Variants in HHIP observed in about 807,000 individuals in gnomAD.
The protein encoded by HHIP is hedgehog interacting protein.
A neutral mutation model predicts 74.0 loss-of-function variants in HHIP; 12 were observed. That is an observed-to-expected ratio of 0.16 (90% confidence interval 0.10 to 0.26). HHIP has a LOEUF of 0.26. Among genes scored for constraint, HHIP ranks in the 10% least tolerant of loss-of-function variants. The pLI is 1.00. For missense variants in HHIP, 788 were observed against 845.0 expected (o/e 0.93, Z 0.84); for synonymous variants, 309 against 311.6 (o/e 0.99, Z 0.09).
chr4:144,737,036 C>A (rs571618777), intron 12 of HHIP, among the ~76,000 whole-genome samples: 147 of 152,180 alleles, frequency 9.7e-4, no homozygotes, highest in African/African-American at 3.3e-3. Flanking sequence ...ATTTATATAC[C>A]CAATTTTATG....
At chr4:144,709,760 T>C (rs1730238301) in intron 7 of HHIP, among the ~76,000 whole-genome samples, 1 of 152,070 alleles carries the variant, frequency 6.6e-6, no homozygotes, top group South Asian at 2.1e-4. Flanking sequence ...CTTCTCCCAC[T>C]CCCCTTTTAT....
At chr4:144,672,672 C>A (rs1729070352) in intron 4 of HHIP, among the ~76,000 whole-genome samples, 2 of 151,588 alleles carry the variant, frequency 1.3e-5, no homozygotes, top group Non-Finnish European at 2.9e-5. Context: ...CTGACTTAAA[C>A]TTTTAATTTT....
chr4:144,697,589 T>C (rs1335216519), intron 4 of HHIP, among the ~76,000 whole-genome samples: 2 of 152,016 alleles, frequency 1.3e-5, no homozygotes, highest in African/African-American at 4.8e-5. Context: ...GTCAATCCAA[T>C]CTCTAATATG....
In HHIP at chr4:144,708,114, G is replaced by C. The variant is rs915821386; in HGVS notation, c.1158-54G>C. 6.4e-6 allele frequency: 10 copies of C among 1,570,228 alleles called. No homozygotes were observed. The South Asian group carries it at 1.1e-4, about 17-fold the overall frequency. On this transcript the variant is annotated intron_variant, in intron 6 of 12. Transcript: ENST00000296575. ...GAGCAACCTCACCATATTTAATATA[G>C]GTGAAATATATAATGAAAATGTAAA...
intron 1 of HHIP, chr4:144,651,054 A>C (rs1728414541): frequency 6.6e-6 from 1 of 152,156 alleles, no homozygotes; most frequent in South Asian, 2.1e-4. Flanking sequence ...AACAAACAGA[A>C]TTGCTATATG....
At chr4:144,702,041 A>G (rs1368031294) in intron 4 of HHIP, among the ~76,000 whole-genome samples, 3 of 152,162 alleles carry the variant, frequency 2.0e-5, no homozygotes, top group African/African-American at 7.2e-5. Context: ...TAATACCCAC[A>G]CTGTCAGAAA....
chr4:144,670,881 A>T (rs1729020949), intron 4 of HHIP, among the ~76,000 whole-genome samples: 1 of 151,734 alleles, frequency 6.6e-6, no homozygotes, highest in African/African-American at 2.4e-5. Context: ...TGTGGTGATG[A>T]GGCTTCCGTA....
In HHIP at chr4:144,739,497, T is replaced by C. The variant is rs1308394999; in HGVS notation, c.*1540T>C. The C allele has an allele frequency of 6.6e-6, 1 of 152,214 alleles. No homozygotes were observed. Among genetic ancestry groups the C allele is most frequent in the East Asian group, 1.9e-4 (1 of 5,200 alleles). The allele number at this position is 152,214 out of a possible 1,614,324, so 9.4% of individuals were successfully genotyped here. On this transcript the variant is annotated 3_prime_UTR_variant, in exon 13 of 13. Transcript: ENST00000296575. ...TACAAGCCTCAATTTAAAAAATATATTGTAGCTAGTATTTCTCTATTGTTT... is the reference window on the plus strand; with the variant it reads ...TACAAGCCTCAATTTAAAAAATATACTGTAGCTAGTATTTCTCTATTGTTT...
At chr4:144,692,988 T>G (rs772164655) in intron 4 of HHIP, among the ~76,000 whole-genome samples, 2 of 152,116 alleles carry the variant, frequency 1.3e-5, no homozygotes, top group Non-Finnish European at 2.9e-5. Context: ...CATGAGGACA[T>G]GGAAGCAACT....
intron 11 of HHIP, among the ~76,000 whole-genome samples, chr4:144,721,902 C>CAA (rs766278808): frequency 7.3e-5 from 7 of 95,612 alleles, no homozygotes; most frequent in South Asian, 3.4e-4. Context: ...GACTCTGTCT[C>CAA]AAAAAAAAAA....
intron 4 of HHIP, among the ~76,000 whole-genome samples, chr4:144,673,394 G>A (rs1729094652): frequency 6.6e-6 from 1 of 152,162 alleles, no homozygotes; most frequent in African/African-American, 2.4e-5. Flanking sequence ...GTGAAAGGTT[G>A]TAAATTACAG....
intron 4 of HHIP, among the ~76,000 whole-genome samples, chr4:144,666,555 C>T (rs1338592151): frequency 6.6e-6 from 1 of 152,126 alleles, no homozygotes; most frequent in African/African-American, 2.4e-5. Context: ...GCCCCGATAC[C>T]ACAGCTAGCA....
At position 144,738,252 on chromosome 4, in the gene HHIP, A is replaced by C; in HGVS notation, c.*295A>C. 1 of 1,004,050 alleles carries C rather than the reference A, an allele frequency of 1.0e-6. No individual in the cohort carries two copies. Among genetic ancestry groups the C allele is most frequent in the Non-Finnish European group, 1.2e-6 (1 of 839,998 alleles). The allele number at this position is 1,004,050 out of a possible 1,614,324, so 62.2% of individuals were successfully genotyped here. ...CACAGAAATTCCATTGTAAATTGAT[A>C]ATGGATTTTTTATGTTACTAGAAGA... On this transcript the variant is annotated 3_prime_UTR_variant, in exon 13 of 13. Coordinates refer to ENST00000296575, the MANE Select transcript of HHIP (RefSeq NM_022475.3).
intron 4 of HHIP, among the ~76,000 whole-genome samples, chr4:144,684,480 C>T (rs1039180467): frequency 6.6e-6 from 1 of 150,572 alleles, no homozygotes; most frequent in Admixed American, 6.6e-5. Context: ...GTGGTTTCAC[C>T]GTGTTAGCTA....
intron 11 of HHIP, among the ~76,000 whole-genome samples, chr4:144,720,516 C>T (rs1367210509): frequency 6.6e-6 from 1 of 152,084 alleles, no homozygotes; most frequent in African/African-American, 2.4e-5. Context: ...GCATTTTACA[C>T]CTTCAATCTA....
chr4:144,673,439 C>T lies in HHIP; in HGVS notation c.831+13601C>T, dbSNP rs557218744. Among the ~76,000 whole-genome samples, 3 of 152,218 alleles carry T rather than the reference C, an allele frequency of 2.0e-5. No individual in the cohort carries two copies. The South Asian group carries it at 6.2e-4, about 32-fold the overall frequency. ...AATTGTGGTAATGTAATGAAGAGGG[C>T]TCACTCTACGCCAGTTGTAATTGCT... On this transcript the variant is annotated intron_variant, in intron 4 of 12. Transcript: ENST00000296575.
chr4:144,735,031 T>C (rs1731072805), intron 12 of HHIP, 142 bp downstream of exon 12: 1 of 660,688 alleles, frequency 1.5e-6, no homozygotes, highest in Non-Finnish European at 2.3e-6. Context: ...AATGCTCATC[T>C]GTTTATGAGC....
At position 144,674,187 on chromosome 4, in the gene HHIP, T is replaced by C. The variant is rs1729116207; in HGVS notation, c.831+14349T>C. 4.6e-5 allele frequency among the ~76,000 whole-genome samples: 7 copies of C among 152,214 alleles called. No homozygotes were observed. The South Asian group carries it at 1.4e-3, about 31-fold the overall frequency. ...TATTACTGAGATGTGTGCTGTGCAA[T>C]TGAAAGTACCAACCTCGTTTCCATA... On this transcript the variant is annotated intron_variant, in intron 4 of 12. Coordinates refer to ENST00000296575, the MANE Select transcript of HHIP (RefSeq NM_022475.3).
intron 4 of HHIP, among the ~76,000 whole-genome samples, chr4:144,688,848 G>C (rs1349594370): frequency 6.6e-6 from 1 of 152,156 alleles, no homozygotes; most frequent in Non-Finnish European, 1.5e-5. Context: ...GAAGGCCATA[G>C]ACATTTTATG....
Sources: allele counts gnomAD v4.1 joint callset (sites outside exome capture counted in the v4.1 genomes callset), GRCh38; gene constraint gnomAD v4.1.1; transcripts MANE v1.5; gene names NCBI Gene and HGNC (gene_info 2026-07-23, HGNC 2026-07-21).